Variants in FMN2 observed in about 807,000 individuals in gnomAD.
FMN2 encodes formin 2.
A neutral mutation model predicts 142.3 loss-of-function variants in FMN2; 51 were observed. The ratio of observed to expected loss-of-function variants is 0.36; its 90% confidence interval spans 0.29 to 0.45. The LOEUF is 0.45. Among genes scored for constraint, FMN2 ranks in the 20% least tolerant of loss-of-function variants. The pLI, the probability that FMN2 is intolerant of heterozygous loss-of-function variation, is 1.00. For synonymous variants in FMN2, 882 were observed against 869.8 expected, an observed-to-expected ratio of 1.01 and a Z score of -0.25; for missense variants, 1,936 against 2,122.8, an observed-to-expected ratio of 0.91 and a Z score of 1.73.
intron 14 of FMN2, among the ~76,000 whole-genome samples, chr1:240,374,383 T>C (rs1012460056): frequency 1.3e-5 from 2 of 152,216 alleles, no homozygotes; most frequent in Non-Finnish European, 2.9e-5. Flanking sequence ...GCTATGAAAC[T>C]CCTAGATGGC....
intron 4 of FMN2, among the ~76,000 whole-genome samples, chr1:240,204,480 G>C (rs1275958238): frequency 1.3e-5 from 2 of 152,220 alleles, no homozygotes; most frequent in Non-Finnish European, 2.9e-5. Flanking sequence ...ACCATGTGCG[G>C]TGGCTCACGC....
chr1:240,099,677 T>G (rs1335834701), intron 1 of FMN2, among the ~76,000 whole-genome samples: 1 of 152,230 alleles, frequency 6.6e-6, no homozygotes, highest in African/African-American at 2.4e-5. Context: ...TTGGAATACA[T>G]GATTCGTCTC....
chr1:240,444,881 A>T (rs141459747), intron 16 of FMN2, among the ~76,000 whole-genome samples: 172 of 152,372 alleles, frequency 1.1e-3, no homozygotes, highest in African/African-American at 3.8e-3. Context: ...GAATGGAGAT[A>T]AGGAAAGTTT....
intron 8 of FMN2, among the ~76,000 whole-genome samples, chr1:240,319,539 A>G (rs937838337): frequency 6.6e-6 from 1 of 152,200 alleles, no homozygotes; most frequent in Non-Finnish European, 1.5e-5. Flanking sequence ...GAGTCTTCAC[A>G]ACAGATGTGG....
At position 240,349,712 on chromosome 1, in the gene FMN2, T is replaced by C. The variant is rs369108295; in HGVS notation, c.4766-6104T>C. Among the ~76,000 whole-genome samples the C allele has an allele frequency of 7.2e-5, 11 of 152,358 alleles. 2 individuals carry two copies. The highest frequency in any genetic ancestry group is 5.8e-4 in the East Asian group (3 of 5,186). ...TTATTCTTTGTATTTGGAAACCTAA[T>C]GCATGCTTTCTGATACTAGCCCTTC... On this transcript the variant is annotated intron_variant, in intron 13 of 17. Coordinates refer to ENST00000319653, the MANE Select transcript of FMN2 (RefSeq NM_020066.5).
At chr1:240,456,671 G>T (rs910114897) in intron 16 of FMN2, among the ~76,000 whole-genome samples, 1 of 152,120 alleles carries the variant, frequency 6.6e-6, no homozygotes, top group Admixed American at 6.5e-5. Context: ...GGTCAGACTG[G>T]TCGCGAACTC....
At chr1:240,339,075 G>A (rs966574906) in intron 13 of FMN2, among the ~76,000 whole-genome samples, 1 of 152,118 alleles carries the variant, frequency 6.6e-6, no homozygotes, top group Non-Finnish European at 1.5e-5. Context: ...TAATGCTTGC[G>A]ATGAGGAGCG....
rs939191634 is a variant in FMN2, at chr1:240,096,413, G to A, written c.1615+2689G>A. Among the ~76,000 whole-genome samples the A allele has an allele frequency of 2.0e-5, 3 of 152,160 alleles. No individual in the cohort carries two copies. In the East Asian group the frequency reaches 5.8e-4, roughly 29 times the overall value. Reference sequence around the variant, plus strand: ...AGATTTTCTCTAAGCAGCTCTCATGGAAACTGTTCTTATGGTGGTCAAATG... The same window carrying A: ...AGATTTTCTCTAAGCAGCTCTCATGAAAACTGTTCTTATGGTGGTCAAATG... On this transcript the variant is annotated intron_variant, in intron 1 of 17. Transcript: ENST00000319653.
chr1:240,319,203 A>G (rs969097549), intron 8 of FMN2, among the ~76,000 whole-genome samples: 2 of 152,178 alleles, frequency 1.3e-5, no homozygotes, highest in Admixed American at 1.3e-4. Context: ...ATGTAATCAA[A>G]GGGAGCAATA....
chr1:240,150,206 G>A (rs978497826), intron 2 of FMN2, among the ~76,000 whole-genome samples: 3 of 152,072 alleles, frequency 2.0e-5, no homozygotes, highest in African/African-American at 7.2e-5. Context: ...CAAAAATTTT[G>A]TACAGAAGCT....
chr1:240,168,908 A>AT (rs966397235), intron 2 of FMN2, among the ~76,000 whole-genome samples: 4 of 152,162 alleles, frequency 2.6e-5, no homozygotes, highest in African/African-American at 9.6e-5. Flanking sequence ...TGTCCCTGAG[A>AT]TTAAAAAAAA....
At chr1:240,340,128 T>C (rs1671698823) in intron 13 of FMN2, among the ~76,000 whole-genome samples, 1 of 152,146 alleles carries the variant, frequency 6.6e-6, no homozygotes, top group African/African-American at 2.4e-5. Flanking sequence ...AGACTTTGGG[T>C]ACTGTCATTT....
chr1:240,205,891 C>CTT (rs57803350), intron 4 of FMN2, among the ~76,000 whole-genome samples: 396 of 120,424 alleles, frequency 3.3e-3, no homozygotes, highest in Non-Finnish European at 4.7e-3. Context: ...TATCAGCCAT[C>CTT]TTTTTTTTTT....
Position 240,381,163 on chromosome 1 carries a change from A to G in FMN2, c.4859-11348A>G, listed in dbSNP as rs147024897. ...TGTTCCTTTGTAACTCATTCATGAA[A>G]ACAGTATGACCCTGGTACCAAAATC... On this transcript the variant is annotated intron_variant, in intron 14 of 17. Transcript: ENST00000319653. 2.7e-3 allele frequency among the ~76,000 whole-genome samples: 406 copies of G among 152,304 alleles called. 7 individuals carry two copies. Among genetic ancestry groups the G allele is most frequent in the Non-Finnish European group, 1.6e-3 (108 of 68,022 alleles).
At chr1:240,184,517 GTTTTT>G (rs71712034) in intron 3 of FMN2, among the ~76,000 whole-genome samples, 1 of 119,802 alleles carries the variant, frequency 8.3e-6, no homozygotes, top group Non-Finnish European at 1.8e-5. Flanking sequence ...CGCCCGGCCT[GTTTTT>G]TTTTTTTTTT....
At chr1:240,318,557 G>A (rs1670867168) in intron 8 of FMN2, among the ~76,000 whole-genome samples, 1 of 152,142 alleles carries the variant, frequency 6.6e-6, no homozygotes, top group Non-Finnish European at 1.5e-5. Context: ...TGGCCAGTCT[G>A]CCTTCTTTCC....
At chr1:240,222,788 C>T (rs2103426072) in intron 6 of FMN2, among the ~76,000 whole-genome samples, 1 of 152,134 alleles carries the variant, frequency 6.6e-6, no homozygotes, top group South Asian at 2.1e-4. Context: ...ATTTGGCTCT[C>T]TGTTTGTCTA....
At chr1:240,381,670 T>C (rs1217204074) in intron 14 of FMN2, among the ~76,000 whole-genome samples, 1 of 152,190 alleles carries the variant, frequency 6.6e-6, no homozygotes, top group Non-Finnish European at 1.5e-5. Context: ...CCTCAGGTGA[T>C]CTGCCTGCCT....
Position 240,330,633 on chromosome 1 carries a change from G to A in FMN2, c.4468G>A (p.Val1490Ile). The A allele has an allele frequency of 1.2e-6, 2 of 1,613,938 alleles. No individual in the cohort carries two copies. Among genetic ancestry groups the A allele is most frequent in the Non-Finnish European group, 1.7e-6 (2 of 1,179,898 alleles). ...TLKNGPGVMQ[V>I]LGLVLAFGNY... Reference sequence around the variant, plus strand: ...AAAAAATGGCCCAGGGGTTATGCAGGTTCTAGGTTTGGTTCTTGCCTTTGG... The same window carrying A: ...AAAAAATGGCCCAGGGGTTATGCAGATTCTAGGTTTGGTTCTTGCCTTTGG... Residue 1490 changes from valine to isoleucine, a missense_variant, in exon 11 of 18, where the codon GTT (valine) becomes ATT (isoleucine). Coordinates refer to ENST00000319653, the MANE Select transcript of FMN2 (RefSeq NM_020066.5).
Sources: gnomAD v4.1 joint callset for allele counts (sites outside exome capture counted in the v4.1 genomes callset) on GRCh38, gnomAD v4.1.1 for gene constraint, MANE v1.5 for transcripts, NCBI Gene and HGNC (gene_info 2026-07-23, HGNC 2026-07-21) for gene names.